The following EIF3H variants were observed in gnomAD, a reference collection of about 807,000 sequenced individuals.
The protein encoded by EIF3H is eIF-3-gamma.
Under a neutral mutation model 44.2 loss-of-function variants are expected in EIF3H, and 26 were observed. The ratio of observed to expected loss-of-function variants is 0.59; its 90% CI spans 0.43 to 0.82. The LOEUF (loss-of-function observed/expected upper bound fraction) is 0.82. Ranked by LOEUF, EIF3H falls within the 40% of genes least tolerant of loss-of-function variation. The pLI is 0.00. For missense variants in EIF3H, 359 were observed against 432.8 expected (o/e 0.83, Z 1.51); for synonymous variants, 166 against 151.9 (o/e 1.09, Z -0.68).
intron 2 of EIF3H, among the ~76,000 whole-genome samples, chr8:116,702,781 A>AT (rs1395550979): frequency 3.9e-5 from 6 of 152,246 alleles, no homozygotes; most frequent in Non-Finnish European, 8.8e-5. Context: ...AAAGGACAAC[A>AT]TATTAAAAAC....
chr8:116,703,928 C>T (rs1011284085), intron 2 of EIF3H, among the ~76,000 whole-genome samples: 1 of 152,214 alleles, frequency 6.6e-6, no homozygotes, highest in African/African-American at 2.4e-5. Flanking sequence ...TACATTAGTG[C>T]TCCTATGAGA....
At position 116,754,796 on chromosome 8, in the gene EIF3H, T is replaced by C. The variant is rs2130998434; in HGVS notation, c.132+870A>G. Among the ~76,000 whole-genome samples the C allele has an allele frequency of 2.0e-5, 3 of 152,368 alleles. No individual in the cohort carries two copies. In the Middle Eastern group the frequency reaches 0.01, roughly 518 times the overall value. ...ATTCAATTATATGCTGCGTTTAAAT[T>C]ATCAACAGTTTCCACTTAAAAATAC... On this transcript the variant is annotated intron_variant, in intron 1 of 7. Transcript: ENST00000521861.
intron 2 of EIF3H, among the ~76,000 whole-genome samples, chr8:116,712,713 A>G (rs1424170829): frequency 2.6e-5 from 4 of 152,192 alleles, no homozygotes; most frequent in South Asian, 4.1e-4. Flanking sequence ...ATAAAGTCCC[A>G]AACTATCAAA....
chr8:116,753,206 G>A (rs1815387824), intron 1 of EIF3H, among the ~76,000 whole-genome samples: 1 of 152,004 alleles, frequency 6.6e-6, no homozygotes, highest in Non-Finnish European at 1.5e-5. Flanking sequence ...CCAAAAAGGG[G>A]GAAAGTTGTT....
At chr8:116,648,461 C>G (rs112802838) in intron 6 of EIF3H, among the ~76,000 whole-genome samples, 4 of 152,218 alleles carry the variant, frequency 2.6e-5, no homozygotes, top group African/African-American at 9.6e-5. Flanking sequence ...GCTAACTATG[C>G]CACAATGAGC....
chr8:116,677,313 C>T (rs1338545299), intron 2 of EIF3H, among the ~76,000 whole-genome samples: 1 of 152,054 alleles, frequency 6.6e-6, no homozygotes, highest in African/African-American at 2.4e-5. Flanking sequence ...ACTTTGCAAT[C>T]AAATACATTT....
At chr8:116,645,169 G>A in intron 7 of EIF3H, 66 bp from the exon 8 acceptor site, 1 of 1,269,882 alleles carries the variant, frequency 7.9e-7, no homozygotes, top group Admixed American at 1.9e-5. Flanking sequence ...CAGAAAGCTA[G>A]TCAAACAGAA....
At chr8:116,678,869 G>T (rs1342590149) in intron 2 of EIF3H, among the ~76,000 whole-genome samples, 12 of 142,612 alleles carry the variant, frequency 8.4e-5, no homozygotes, top group African/African-American at 2.8e-4. Context: ...GGTGGGGGGG[G>T]GTCAGCCCCC....
intron 2 of EIF3H, among the ~76,000 whole-genome samples, chr8:116,700,216 A>G (rs1586463630): frequency 6.6e-6 from 1 of 152,216 alleles, no homozygotes; most frequent in East Asian, 1.9e-4. Context: ...AGCTCCCTAA[A>G]TTAATTGCCT....
chr8:116,670,003 T>C (rs938893988), intron 2 of EIF3H, among the ~76,000 whole-genome samples: 12 of 152,266 alleles, frequency 7.9e-5, no homozygotes, highest in South Asian at 2.1e-4. Flanking sequence ...CAGCCCATGA[T>C]AAACGACAAA....
At chr8:116,753,393 G>A (rs1196420896) in intron 1 of EIF3H, among the ~76,000 whole-genome samples, 2 of 152,146 alleles carry the variant, frequency 1.3e-5, no homozygotes, top group South Asian at 2.1e-4. Flanking sequence ...TCACTGGTAA[G>A]CTTCTGATTT....
chr8:116,648,889 T>G lies in EIF3H; in HGVS notation c.745A>C (p.Arg249=), dbSNP rs2130775189. 3 of 1,612,252 alleles carry G rather than the reference T, an allele frequency of 1.9e-6. No homozygotes were observed. Among genetic ancestry groups the G allele is most frequent in the Non-Finnish European group, 2.5e-6 (3 of 1,179,196 alleles). ...LGKNLQLLMD[R]VDEMSQDIVK... The stretch of plus-strand genomic sequence containing the variant: ...ATATCTTGGCTCATTTCATCCACTC[T>G]GTCCATCAGCAACTGTAGATTCTTC... Residue 249 remains arginine (R), a synonymous_variant, in exon 6 of 8, where the codon AGA becomes CGA. Coordinates refer to ENST00000521861, the MANE Select transcript of EIF3H (RefSeq NM_003756.3).
intron 4 of EIF3H, 33 bp downstream of exon 4, chr8:116,657,182 C>T: frequency 6.5e-7 from 1 of 1,549,966 alleles, no homozygotes; most frequent in Middle Eastern, 1.7e-4. Flanking sequence ...AGAAAAATAC[C>T]CAACCCTTTA....
At chr8:116,657,789 A>G (rs1018746052) in intron 3 of EIF3H, 5 of 154,568 alleles carry the variant, frequency 3.2e-5, no homozygotes, top group African/African-American at 1.2e-4. Context: ...GTTAAAACAG[A>G]TTGTAAAAAC....
At chr8:116,646,280 C>G (rs1356771020) in intron 7 of EIF3H, among the ~76,000 whole-genome samples, 191 bp downstream of exon 7, 5 of 152,148 alleles carry the variant, frequency 3.3e-5, no homozygotes, top group Non-Finnish European at 7.3e-5. Context: ...CTGAAAGGAC[C>G]TGGACAAAAG....
At chr8:116,695,281 C>T (rs1814251305) in intron 2 of EIF3H, among the ~76,000 whole-genome samples, 1 of 152,080 alleles carries the variant, frequency 6.6e-6, no homozygotes, top group African/African-American at 2.4e-5. Flanking sequence ...GTTGGCCAGG[C>T]TAGTCTCGAA....
At chr8:116,705,612 C>T (rs1814456665) in intron 2 of EIF3H, among the ~76,000 whole-genome samples, 1 of 151,318 alleles carries the variant, frequency 6.6e-6, no homozygotes, top group African/African-American at 2.4e-5. Flanking sequence ...CATATCCAAA[C>T]TGAGGAACAT....
At chr8:116,732,287 T>C (rs1272265653) in intron 1 of EIF3H, among the ~76,000 whole-genome samples, 2 of 152,154 alleles carry the variant, frequency 1.3e-5, no homozygotes, top group Non-Finnish European at 2.9e-5. Context: ...TTAACTTCTA[T>C]GACAAGTATT....
At chr8:116,697,097 C>T (rs1311617824) in intron 2 of EIF3H, 2 of 456,300 alleles carry the variant, frequency 4.4e-6, no homozygotes, top group Non-Finnish European at 8.8e-6. Context: ...CATCACCACC[C>T]AGCTGTCCCT....
Sources: allele counts gnomAD v4.1 joint callset (sites outside exome capture counted in the v4.1 genomes callset), GRCh38; gene constraint gnomAD v4.1.1; transcripts MANE v1.5; gene names NCBI Gene and HGNC (gene_info 2026-07-23, HGNC 2026-07-21).